Variants in AAK1 observed in about 807,000 individuals in gnomAD.
AAK1 encodes the protein AP2-associated protein kinase 1.
AAK1 carries 37 observed loss-of-function variants against 116.0 expected under a neutral mutation model. The ratio of observed to expected loss-of-function variants is 0.32; its 90% CI spans 0.25 to 0.42. AAK1 has a LOEUF of 0.42. Among genes scored for constraint, AAK1 ranks in the 10% least tolerant of loss-of-function variants. The pLI, the probability that AAK1 is intolerant of heterozygous loss-of-function variation, is 1.00. For missense variants in AAK1, 919 were observed against 1,170.6 expected, an observed-to-expected ratio of 0.79 and a Z score of 3.14; for synonymous variants, 458 against 439.9, an observed-to-expected ratio of 1.04 and a Z score of -0.51.
At chr2:69,536,860 T>C (rs1670495870) in intron 5 of AAK1, among the ~76,000 whole-genome samples, 1 of 152,214 alleles carries the variant, frequency 6.6e-6, no homozygotes, top group Non-Finnish European at 1.5e-5. Context: ...TTCAAACCTG[T>C]GTTTCTAAAA....
rs761396921 is a variant in AAK1 at position 69,525,091 on chromosome 2, G to A, written c.997C>T (p.Leu333Phe). Residue 333 changes from leucine (L) to phenylalanine (F), a missense_variant, in exon 10 of 22, where the codon CTT becomes TTT. Physicochemically the swap from Leu to Phe is conservative, Grantham distance 22 (BLOSUM62 0). Coordinates refer to ENST00000409085, the MANE Select transcript of AAK1 (RefSeq NM_014911.5). ...TCACTGGCTTTCACTGGTTCAGGAAGCTTTGCAGGAATGGGAGAGTTCTAT... is the reference window on the plus strand; with the variant it reads ...TCACTGGCTTTCACTGGTTCAGGAAACTTTGCAGGAATGGGAGAGTTCTAT... ...NVQNSPIPAK[L>F]PEPVKASEAA... 1 of 1,614,006 alleles carries A rather than the reference G, an allele frequency of 6.2e-7. No individual in the cohort carries two copies. The highest frequency in any genetic ancestry group is 8.5e-7 in the Non-Finnish European group (1 of 1,179,868).
intron 2 of AAK1, among the ~76,000 whole-genome samples, chr2:69,579,724 G>A (rs1008650649): frequency 2.0e-5 from 3 of 151,996 alleles, no homozygotes; most frequent in Non-Finnish European, 4.4e-5. Flanking sequence ...TTCCTTAATT[G>A]CCAGTGTTTC....
chr2:69,556,757 G>T, intron 3 of AAK1, 103 bp downstream of exon 3: 1 of 829,448 alleles, frequency 1.2e-6, no homozygotes, highest in Non-Finnish European at 2.0e-6. Context: ...AGAGGCCTCT[G>T]TACCATCTCA....
At chr2:69,514,350 C>G (rs1676502077) in intron 13 of AAK1, 121 bp downstream of exon 13, 3 of 1,277,400 alleles carry the variant, frequency 2.3e-6, no homozygotes, top group African/African-American at 1.5e-5. Context: ...ATAATTGAAC[C>G]ACCCAGGTGG....
intron 6 of AAK1, chr2:69,531,764 C>T (rs1310348188): frequency 4.3e-6 from 5 of 1,157,096 alleles, no homozygotes; most frequent in Admixed American, 8.1e-5. Flanking sequence ...TTTATAGGCT[C>T]TGTGACATCA....
At chr2:69,522,803 C>CA (rs11465056) in intron 10 of AAK1, among the ~76,000 whole-genome samples, 20,828 of 125,486 alleles carry the variant, frequency 0.17, 2,103 homozygotes, top group African/African-American at 0.32. Context: ...GACTCCATCT[C>CA]AAAAAAAAAA....
chr2:69,551,591 A>C (rs185403426), intron 3 of AAK1, among the ~76,000 whole-genome samples: 226 of 152,344 alleles, frequency 1.5e-3, no homozygotes, highest in African/African-American at 5.1e-3. Flanking sequence ...ATCAAGCTCA[A>C]TGAGGATGTA....
chr2:69,554,571 G>GC (rs1386229161), intron 3 of AAK1, among the ~76,000 whole-genome samples: 1 of 152,188 alleles, frequency 6.6e-6, no homozygotes, highest in Admixed American at 6.5e-5. Context: ...TGAGAATACT[G>GC]CAAGTATTTG....
intron 2 of AAK1, among the ~76,000 whole-genome samples, chr2:69,602,531 G>A (rs1168637801): frequency 6.6e-6 from 1 of 151,972 alleles, no homozygotes; most frequent in Non-Finnish European, 1.5e-5. Context: ...GGTGAATCTG[G>A]GTGAAGAGTA....
Position 69,472,831 on chromosome 2 carries a change from G to C in AAK1, c.*3038C>G. 1.0e-6 allele frequency: 1 copy of C among 985,658 alleles called. No homozygotes were observed. Among genetic ancestry groups the C allele is most frequent in the Non-Finnish European group, 1.2e-6 (1 of 829,854 alleles). The allele number at this position is 985,658 out of a possible 1,614,324, so 61.1% of individuals were successfully genotyped here. On this transcript the variant is annotated 3_prime_UTR_variant, in exon 22 of 22. Transcript: ENST00000409085. ...CCATTTTATTAGAATAGGTAGGTGT[G>C]TGTCCACGCATGTGTTTCTGTAATA...
intron 2 of AAK1, among the ~76,000 whole-genome samples, chr2:69,631,835 C>T (rs1337846432): frequency 6.6e-6 from 1 of 152,044 alleles, no homozygotes; most frequent in East Asian, 1.9e-4. Context: ...CAAAGATTAG[C>T]CAGGTGTGGT....
At chr2:69,625,090 T>G (rs1489810888) in intron 2 of AAK1, among the ~76,000 whole-genome samples, 1 of 152,100 alleles carries the variant, frequency 6.6e-6, no homozygotes, top group Non-Finnish European at 1.5e-5. Context: ...ATGTGAGACA[T>G]AAAAAAATGG....
intron 5 of AAK1, among the ~76,000 whole-genome samples, chr2:69,539,349 A>G (rs1477407929): frequency 6.6e-6 from 1 of 152,192 alleles, no homozygotes; most frequent in African/African-American, 2.4e-5. Flanking sequence ...TATGAGTCAC[A>G]CGGTGGTGCA....
intron 2 of AAK1, among the ~76,000 whole-genome samples, chr2:69,639,438 T>G (rs936892698): frequency 3.3e-5 from 5 of 152,128 alleles, no homozygotes; most frequent in Admixed American, 3.3e-4. Context: ...AAAGAAAATA[T>G]TCTCCCTGGC....
rs1054682694 is a variant in AAK1, at chr2:69,461,776, G to A, written c.*14093C>T. On this transcript the variant is annotated 3_prime_UTR_variant, in exon 22 of 22. Transcript: ENST00000409085. ...CCAGCTACTTTTTGTATTTTTGGTA[G>A]AGACAGGGTTTCACCATGTTGGCCA... 1 of 304,524 alleles carries A rather than the reference G, an allele frequency of 3.3e-6. No individual in the cohort carries two copies. The highest frequency in any genetic ancestry group is 6.5e-6 in the Non-Finnish European group (1 of 153,870). 18.9% of individuals were successfully genotyped at this position (304,524 alleles called of 1,614,324 possible).
In AAK1 at chr2:69,460,290, C is replaced by G. The variant is rs1674308054; in HGVS notation, c.*15579G>C. The G allele has an allele frequency of 6.6e-6, 1 of 152,582 alleles. No homozygotes were observed. Among genetic ancestry groups the G allele is most frequent in the Non-Finnish European group, 1.5e-5 (1 of 68,030 alleles). 9.5% of individuals were successfully genotyped at this position (152,582 alleles called of 1,614,324 possible). On this transcript the variant is annotated 3_prime_UTR_variant, in exon 22 of 22. Coordinates refer to ENST00000409085, the MANE Select transcript of AAK1 (RefSeq NM_014911.5). ...TCCTGCTAGAGAATGAATTGAGTAGCATCCTTCTCTAATTTCCTACAATAA... is the reference window on the plus strand; with the variant it reads ...TCCTGCTAGAGAATGAATTGAGTAGGATCCTTCTCTAATTTCCTACAATAA...
chr2:69,507,532 T>C lies in AAK1; in HGVS notation c.2053A>G (p.Asn685Asp). 6.2e-7 allele frequency: 1 copy of C among 1,612,514 alleles called. No individual in the cohort carries two copies. Among genetic ancestry groups the C allele is most frequent in the South Asian group, 1.1e-5 (1 of 90,596 alleles). ...GACCCTTCTGAAGGATTATAAACGT[T>C]TTGTTGAGAGGTCCGAGGAGAGCCT... ...PSGSPRTSQQ[N>D]VYNPSEGSTW... Residue 685 changes from asparagine to aspartate, a missense_variant, in exon 15 of 22, where the codon AAC becomes GAC. By Grantham distance (23) the Asn-to-Asp change is conservative. Around this residue, in one of 4 missense-constraint regions of AAK1, gnomAD observed 125 missense variants for 184.1 expected, o/e 0.68. Coordinates refer to ENST00000409085, the MANE Select transcript of AAK1 (RefSeq NM_014911.5).
At chr2:69,641,731 C>T (rs948933722) in intron 2 of AAK1, among the ~76,000 whole-genome samples, 1 of 152,142 alleles carries the variant, frequency 6.6e-6, no homozygotes, top group Non-Finnish European at 1.5e-5. Flanking sequence ...AGGTCAGGAC[C>T]CTTGCTTCAA....
chr2:69,468,149 TTAGTATGTGCAGC>T lies in AAK1; in HGVS notation c.*7707_*7719del, dbSNP rs1674550474. ...ATAAATTTTTCCTTGTATTATAATT[TTAGTATGTGCAGC>T]TACATGGTGATACGAAAGCATCAGT... On this transcript the variant is annotated 3_prime_UTR_variant, in exon 22 of 22. Transcript: ENST00000409085. The T allele has an allele frequency of 1.0e-6, 1 of 985,222 alleles. No homozygotes were observed. Among genetic ancestry groups the T allele is most frequent in the Non-Finnish European group, 1.2e-6 (1 of 829,830 alleles). 61.0% of individuals were successfully genotyped at this position (985,222 alleles called of 1,614,324 possible).
Sources: gnomAD v4.1 joint callset for allele counts (sites outside exome capture counted in the v4.1 genomes callset) on GRCh38, gnomAD v4.1.1 for gene constraint, gnomAD v4.1.1 regional missense constraint, MANE v1.5 for transcripts, NCBI Gene and HGNC (gene_info 2026-07-23, HGNC 2026-07-21) for gene names.